Variants in ACYP2 observed in about 807,000 individuals in gnomAD.
The protein encoded by ACYP2 is acylphosphatase-2.
A neutral mutation model predicts 11.2 loss-of-function variants in ACYP2; 12 were observed. The observed-to-expected ratio is 1.08, with a 90% confidence interval of 0.69 to 1.74. The LOEUF (loss-of-function observed/expected upper bound fraction) is 1.74, where lower values mean the gene tolerates loss of function less well. Ranked by LOEUF, ACYP2 falls within the 40% of genes most tolerant of loss-of-function variation. The pLI is 0.00. For missense variants in ACYP2, 134 were observed against 101.9 expected (o/e 1.31, Z -1.35); for synonymous variants, 43 against 32.2 (o/e 1.33, Z -1.13).
At chr2:54,075,032 T>C (rs1364060657) in intron 4 of ACYP2, among the ~76,000 whole-genome samples, 1 of 152,184 alleles carries the variant, frequency 6.6e-6, no homozygotes, top group African/African-American at 2.4e-5. Flanking sequence ...GGCCTATTCT[T>C]TCTACTTTCT....
At chr2:54,085,756 A>C (rs1304981835) in intron 4 of ACYP2, among the ~76,000 whole-genome samples, 5 of 152,140 alleles carry the variant, frequency 3.3e-5, no homozygotes, top group African/African-American at 1.2e-4. Context: ...GAGACAGGCA[A>C]TGTGGCAAAA....
intron 6 of ACYP2, among the ~76,000 whole-genome samples, chr2:54,286,033 C>CCATT (rs1218043630): frequency 9.9e-5 from 15 of 152,052 alleles, no homozygotes; most frequent in African/African-American, 3.6e-4. Flanking sequence ...ACCAATAAAC[C>CCATT]CATTGTAAGT....
At chr2:54,014,733 A>T (rs7597189) in intron 2 of ACYP2, among the ~76,000 whole-genome samples, 70,188 of 151,298 alleles carry the variant, frequency 0.46, 16,399 homozygotes, top group South Asian at 0.55. Context: ...TAAAAAAAAA[A>T]TTTTTTTTCT....
At chr2:54,028,408 T>G (rs1674407344) in intron 2 of ACYP2, among the ~76,000 whole-genome samples, 1 of 152,196 alleles carries the variant, frequency 6.6e-6, no homozygotes, top group Non-Finnish European at 1.5e-5. Flanking sequence ...TCTCTCTGAC[T>G]TTCCCGGCAA....
intron 6 of ACYP2, among the ~76,000 whole-genome samples, chr2:54,219,881 GTATA>G (rs869248101): frequency 6.0e-5 from 6 of 99,482 alleles, no homozygotes; most frequent in Admixed American, 1.2e-4. Flanking sequence ...GTGTGTGTGT[GTATA>G]TATATATATA....
chr2:54,145,875 T>C (rs1681859779), intron 6 of ACYP2, among the ~76,000 whole-genome samples: 1 of 152,230 alleles, frequency 6.6e-6, no homozygotes, highest in Admixed American at 6.5e-5. Flanking sequence ...GTCATGCTTT[T>C]TCCTGGAGGC....
chr2:54,295,019 T>C (rs1689463242), intron 6 of ACYP2, among the ~76,000 whole-genome samples: 1 of 152,190 alleles, frequency 6.6e-6, no homozygotes, highest in Non-Finnish European at 1.5e-5. Flanking sequence ...GGTTTTATAC[T>C]ATATAGTTGA....
At chr2:54,289,052 A>G (rs765138150) in intron 6 of ACYP2, among the ~76,000 whole-genome samples, 3 of 152,108 alleles carry the variant, frequency 2.0e-5, no homozygotes, top group Non-Finnish European at 4.4e-5. Context: ...AGTAGCTTTC[A>G]ATTCAAAAGA....
At chr2:54,250,602 G>T (rs1249508523) in intron 6 of ACYP2, among the ~76,000 whole-genome samples, 1 of 152,210 alleles carries the variant, frequency 6.6e-6, no homozygotes, top group African/African-American at 2.4e-5. Flanking sequence ...TATGTGATAT[G>T]AATTGATATA....
At chr2:54,095,679 T>C (rs1678508603) in intron 4 of ACYP2, among the ~76,000 whole-genome samples, 1 of 113,946 alleles carries the variant, frequency 8.8e-6, no homozygotes, top group African/African-American at 3.5e-5. Flanking sequence ...CCCACCTCCC[T>C]CCTGGACGGG....
At chr2:53,999,498 T>C (rs887206176) in intron 2 of ACYP2, among the ~76,000 whole-genome samples, 1 of 152,112 alleles carries the variant, frequency 6.6e-6, no homozygotes, top group Non-Finnish European at 1.5e-5. Context: ...AAGGGAATTG[T>C]GGGAAGATTG....
chr2:54,176,771 G>C (rs950884882), intron 6 of ACYP2, among the ~76,000 whole-genome samples: 9 of 152,126 alleles, frequency 5.9e-5, no homozygotes, highest in South Asian at 2.1e-4. Context: ...TTGGCCTCAG[G>C]GGGGCAGCCT....
chr2:54,169,919 A>G (rs1683155425), intron 6 of ACYP2, among the ~76,000 whole-genome samples: 1 of 152,236 alleles, frequency 6.6e-6, no homozygotes, highest in African/African-American at 2.4e-5. Context: ...TATCTCTTAA[A>G]TCATTAACTT....
At chr2:54,095,041 C>T (rs200096588) in intron 4 of ACYP2, among the ~76,000 whole-genome samples, 37,568 of 147,794 alleles carry the variant, frequency 0.25, 5,333 homozygotes, top group South Asian at 0.48. Context: ...CGGCCTTCCG[C>T]GGTGTTTGTG....
intron 2 of ACYP2, among the ~76,000 whole-genome samples, chr2:54,001,614 G>A (rs1672806208): frequency 6.6e-6 from 1 of 152,106 alleles, no homozygotes; most frequent in Non-Finnish European, 1.5e-5. Flanking sequence ...CACTGGTCTC[G>A]AACTTCTGAC....
chr2:54,219,961 C>G (rs1222438772), intron 6 of ACYP2, among the ~76,000 whole-genome samples: 1 of 143,160 alleles, frequency 7.0e-6, no homozygotes, highest in Non-Finnish European at 1.5e-5. Flanking sequence ...AGGCTGGTCT[C>G]CAACTCCTGA....
chr2:54,281,115 C>T (rs1449749387), intron 6 of ACYP2, among the ~76,000 whole-genome samples: 2 of 152,198 alleles, frequency 1.3e-5, no homozygotes, highest in Non-Finnish European at 2.9e-5. Flanking sequence ...TTGAAAACAG[C>T]AAAGCACTAT....
rs370146225 is a variant in ACYP2, at chr2:54,031,258, A to G, written c.63-19700A>G. 3.6e-4 allele frequency among the ~76,000 whole-genome samples: 54 copies of G among 148,896 alleles called. No homozygotes were observed. The South Asian group carries it at 0.012, about 32-fold the overall frequency. On this transcript the variant is annotated intron_variant, in intron 2 of 6. Transcript: ENST00000607452. ...ATCATTTACATTAGGTATATCTCCT[A>G]ATGCTATCCCTTCCCCCTCCCCCCA...
intron 2 of ACYP2, among the ~76,000 whole-genome samples, chr2:54,043,072 G>GT (rs1675326156): frequency 4.0e-5 from 6 of 148,892 alleles, no homozygotes; most frequent in African/African-American, 1.5e-4. Context: ...GTGTGTGTGG[G>GT]GTGTGTGTGT....
Sources: gnomAD v4.1 joint callset for allele counts (sites outside exome capture counted in the v4.1 genomes callset) on GRCh38, gnomAD v4.1.1 for gene constraint, MANE v1.5 for transcripts, NCBI Gene and HGNC (gene_info 2026-07-23, HGNC 2026-07-21) for gene names.